Variants in AGTPBP1 observed in about 807,000 individuals in gnomAD.
AGTPBP1 encodes the protein cytosolic carboxypeptidase 1.
Under a neutral mutation model 143.9 loss-of-function variants are expected in AGTPBP1, and 70 were observed. The ratio of observed to expected loss-of-function variants is 0.49; its 90% CI spans 0.40 to 0.59. The LOEUF is 0.59. Ranked by LOEUF, AGTPBP1 falls within the 20% of genes least tolerant of loss-of-function variation. The pLI is 0.00. For synonymous variants in AGTPBP1, 463 were observed against 500.2 expected (o/e 0.93, Z 0.99); for missense variants, 1,229 against 1,464.5 (o/e 0.84, Z 2.62).
chr9:85,678,491 C>A, intron 4 of AGTPBP1, 93 bp from the exon 5 acceptor site: 1 of 703,386 alleles, frequency 1.4e-6, no homozygotes, highest in Non-Finnish European at 2.3e-6. Context: ...TTACAAATGA[C>A]CTTTCCAATT....
Position 85,588,825 on chromosome 9 carries a change from T to TG in AGTPBP1, c.2723-348_2723-347insC, listed in dbSNP as rs1246103047. On this transcript the variant is annotated intron_variant, in intron 20 of 25. Coordinates refer to ENST00000357081, the MANE Select transcript of AGTPBP1 (RefSeq NM_001330701.2). ...TTGGGGGAAGTTTAAAATATAAAACTATTTTTTCATAAAATCATAGGGAAA... is the reference window on the plus strand; with the variant it reads ...TTGGGGGAAGTTTAAAATATAAAACTGATTTTTTCATAAAATCATAGGGAAA... Among the ~76,000 whole-genome samples, 5 of 143,632 alleles carry TG rather than the reference T, an allele frequency of 3.5e-5. No homozygotes were observed. In the East Asian group the frequency reaches 1.3e-3, roughly 39 times the overall value. The allele number at this position is 143,632 out of a possible 152,430, so 94.2% of individuals were successfully genotyped here.
At chr9:85,698,590 A>G (rs765793989) in intron 2 of AGTPBP1, among the ~76,000 whole-genome samples, 7 of 151,078 alleles carry the variant, frequency 4.6e-5, no homozygotes, top group Non-Finnish European at 1.0e-4. Flanking sequence ...AAAAAGCTAT[A>G]TATGAGCAAT....
chr9:85,548,917 C>T (rs936956721), intron 25 of AGTPBP1, among the ~76,000 whole-genome samples: 21 of 152,118 alleles, frequency 1.4e-4, no homozygotes, highest in African/African-American at 3.9e-4. Context: ...TCAAGTGATC[C>T]GCCTGCCTTG....
chr9:85,571,735 A>G (rs1025931009), intron 25 of AGTPBP1, among the ~76,000 whole-genome samples: 1 of 152,218 alleles, frequency 6.6e-6, no homozygotes, highest in African/African-American at 2.4e-5. Flanking sequence ...TATCCATGAT[A>G]GTCTTGCCAA....
At chr9:85,712,886 C>T (rs188045075) in intron 1 of AGTPBP1, among the ~76,000 whole-genome samples, 86 of 152,268 alleles carry the variant, frequency 5.6e-4, no homozygotes, top group Admixed American at 5.4e-3. Context: ...TGTTCTAATA[C>T]TCCTCCTTAA....
upstream of AGTPBP1, chr9:85,742,096 C>A: frequency 9.4e-7 from 1 of 1,064,940 alleles, no homozygotes; most frequent in South Asian, 4.7e-5. Flanking sequence ...CTTCCCGCCG[C>A]GTCCCTTGTT....
At chr9:85,571,730 A>G (rs1363727678) in intron 25 of AGTPBP1, among the ~76,000 whole-genome samples, 1 of 152,234 alleles carries the variant, frequency 6.6e-6, no homozygotes, top group Non-Finnish European at 1.5e-5. Flanking sequence ...CACAGTATCC[A>G]TGATAGTCTT....
At chr9:85,615,254 T>C (rs1471816788) in intron 17 of AGTPBP1, among the ~76,000 whole-genome samples, 1 of 152,130 alleles carries the variant, frequency 6.6e-6, no homozygotes, top group Non-Finnish European at 1.5e-5. Flanking sequence ...TCACCAGCAC[T>C]GTAGTACCCA....
At chr9:85,736,672 C>A (rs1040755436) in intron 1 of AGTPBP1, among the ~76,000 whole-genome samples, 1 of 152,168 alleles carries the variant, frequency 6.6e-6, no homozygotes, top group African/African-American at 2.4e-5. Flanking sequence ...GTTCTAAAAG[C>A]ACGGTGCGTG....
the AGTPBP1 span, chr9:85,764,681 G>A: frequency 5.7e-4 from 488 of 854,084 alleles, 2 homozygotes; most frequent in African/African-American, 1.1e-3. Context: ...ACTGTTTTCG[G>A]GGTGTCTGGT....
chr9:85,786,281 T>C, the AGTPBP1 span: 1 of 1,598,110 alleles, frequency 6.3e-7, no homozygotes, highest in African/African-American at 1.3e-5. Flanking sequence ...ATCCCAGAAT[T>C]ACCTCCAATT....
chr9:85,594,462 C>A lies in AGTPBP1; in HGVS notation c.2424-1758G>T, dbSNP rs570809252. On this transcript the variant is annotated intron_variant, in intron 18 of 25. Coordinates refer to ENST00000357081, the MANE Select transcript of AGTPBP1 (RefSeq NM_001330701.2). ...AATTAGCCGGTTCACAACTGTAGTC[C>A]CAGCTACTCAGGAAGCTGAGGTGAG... Among the ~76,000 whole-genome samples, 22 of 152,170 alleles carry A rather than the reference C, an allele frequency of 1.4e-4. No individual in the cohort carries two copies. In the South Asian group the frequency reaches 4.2e-3, roughly 29 times the overall value.
chr9:85,677,321 T>C lies in AGTPBP1; in HGVS notation c.436+115A>G, dbSNP rs899573187. On this transcript the variant is annotated intron_variant, in intron 6 of 25. Coordinates refer to ENST00000357081, the MANE Select transcript of AGTPBP1 (RefSeq NM_001330701.2). The stretch of plus-strand genomic sequence containing the variant: ...CATAAACATGTACAATTATTGTGTA[T>C]CCATAGAAATTTAAAATAAATAACA... The C allele has an allele frequency of 5.6e-6, 5 of 898,660 alleles. No homozygotes were observed. The Admixed American group carries it at 8.6e-5, about 15-fold the overall frequency. The allele number at this position is 898,660 out of a possible 1,614,324, so 55.7% of individuals were successfully genotyped here.
intron 11 of AGTPBP1, among the ~76,000 whole-genome samples, chr9:85,651,089 CAG>C (rs1781146912): frequency 6.6e-6 from 1 of 152,172 alleles, no homozygotes; most frequent in South Asian, 2.1e-4. Flanking sequence ...TTTCCTTCAA[CAG>C]GAGTATTTCA....
chr9:85,621,515 C>T (rs1020973800), intron 14 of AGTPBP1, among the ~76,000 whole-genome samples: 3 of 142,962 alleles, frequency 2.1e-5, no homozygotes, highest in Admixed American at 6.8e-5. Flanking sequence ...CAGCCAGCCA[C>T]AAGTCCAATC....
At chr9:85,768,281 C>G in the AGTPBP1 span, among the ~76,000 whole-genome samples, 1 of 152,206 alleles carries the variant, frequency 6.6e-6, no homozygotes, top group African/African-American at 2.4e-5. Flanking sequence ...TAAAGGCAAA[C>G]TCTTCACATT....
the AGTPBP1 span, among the ~76,000 whole-genome samples, chr9:85,757,509 G>T: frequency 1.3e-5 from 2 of 151,958 alleles, no homozygotes; most frequent in Non-Finnish European, 1.5e-5. Context: ...AAGAAAAGAT[G>T]GAAAGCAAAT....
At chr9:85,713,464 G>A (rs1262870758) in intron 1 of AGTPBP1, among the ~76,000 whole-genome samples, 6 of 152,192 alleles carry the variant, frequency 3.9e-5, no homozygotes, top group African/African-American at 1.2e-4. Context: ...CCGGGAGGTG[G>A]AGGTTGCAGT....
chr9:85,760,907 A>C, the AGTPBP1 span, among the ~76,000 whole-genome samples: 2 of 152,248 alleles, frequency 1.3e-5, no homozygotes, highest in Non-Finnish European at 2.9e-5. Context: ...GCTGATAAGC[A>C]ACTTCAGCAA....
Sources: allele counts gnomAD v4.1 joint callset (sites outside exome capture counted in the v4.1 genomes callset), GRCh38; gene constraint gnomAD v4.1.1; transcripts MANE v1.5; gene names NCBI Gene and HGNC (gene_info 2026-07-23, HGNC 2026-07-21).